LOXL2: variants seen among roughly 807,000 people sequenced by gnomAD.
The protein encoded by LOXL2 is lysyl oxidase homolog 2.
A neutral mutation model predicts 93.0 loss-of-function variants in LOXL2; 70 were observed. That is an observed-to-expected ratio of 0.75 (90% confidence interval 0.62 to 0.92). The LOEUF is 0.92. Among genes scored for constraint, LOXL2 ranks in the 40% least tolerant of loss-of-function variants. LOXL2 has a pLI of 0.00. For missense variants in LOXL2, 973 were observed against 1,054.9 expected, an observed-to-expected ratio of 0.92 and a Z score of 1.08; for synonymous variants, 438 against 413.2, an observed-to-expected ratio of 1.06 and a Z score of -0.73.
At chr8:23,362,224 C>T (rs1397791931) in intron 2 of LOXL2, among the ~76,000 whole-genome samples, 1 of 152,140 alleles carries the variant, frequency 6.6e-6, no homozygotes, top group Admixed American at 6.5e-5. Context: ...GTGAAATAAG[C>T]CCATCCCAAA....
At chr8:23,309,629 C>T (rs1372896965) in intron 10 of LOXL2, 39 bp downstream of exon 10, 8 of 1,383,780 alleles carry the variant, frequency 5.8e-6, no homozygotes, top group Non-Finnish European at 6.6e-6. Flanking sequence ...AGGATGTCCG[C>T]CGGGCAGCTT....
At chr8:23,376,088 CTCT>C (rs1191349360) in intron 1 of LOXL2, among the ~76,000 whole-genome samples, 1 of 151,906 alleles carries the variant, frequency 6.6e-6, no homozygotes, top group Admixed American at 6.6e-5. Context: ...TCATGAATAG[CTCT>C]TATTATTTTA....
intron 2 of LOXL2, among the ~76,000 whole-genome samples, chr8:23,362,350 A>C (rs964539665): frequency 6.6e-6 from 1 of 152,240 alleles, no homozygotes; most frequent in African/African-American, 2.4e-5. Flanking sequence ...TAATCGGTGC[A>C]GTTTCAGTTT....
intron 8 of LOXL2, among the ~76,000 whole-genome samples, chr8:23,318,762 T>A (rs1803446002): frequency 6.6e-6 from 1 of 152,192 alleles, no homozygotes; most frequent in Non-Finnish European, 1.5e-5. Context: ...ATAAACAATA[T>A]TAGCAGAAAC....
intron 9 of LOXL2, among the ~76,000 whole-genome samples, 160 bp from the exon 10 acceptor site, chr8:23,310,071 G>A (rs370394763): frequency 1.6e-4 from 24 of 152,330 alleles, no homozygotes; most frequent in African/African-American, 5.3e-4. Flanking sequence ...GCAAGACCCT[G>A]AATTCCTCTT....
rs1391455187 is a variant in LOXL2, at chr8:23,322,226, A to C, written c.1206T>G (p.Ile402Met). Residue 402 changes from isoleucine to methionine, a missense_variant, in exon 7 of 14, where the codon ATT becomes ATG. Physicochemically the swap from Ile to Met is conservative, Grantham distance 10. Transcript: ENST00000389131. ...ACTCGGCATTGAACTTGCAGTCTAT[A>C]ATGGACTTCTCATTGCCTGTGCACT... ...EIQCTGNEKS[I>M]IDCKFNAESQ... 3 of 1,613,990 alleles carry C rather than the reference A, an allele frequency of 1.9e-6. No homozygotes were observed. Among genetic ancestry groups the C allele is most frequent in the Non-Finnish European group, 2.5e-6 (3 of 1,180,012 alleles).
intron 12 of LOXL2, among the ~76,000 whole-genome samples, chr8:23,299,335 C>A (rs1004499210): frequency 5.9e-5 from 9 of 152,158 alleles, no homozygotes; most frequent in Non-Finnish European, 1.2e-4. Flanking sequence ...GGTGTGGGAA[C>A]CTGGAAGAGG....
chr8:23,308,393 T>G (rs950574940), intron 10 of LOXL2, among the ~76,000 whole-genome samples: 1 of 152,202 alleles, frequency 6.6e-6, no homozygotes, highest in Non-Finnish European at 1.5e-5. Flanking sequence ...GACCTCACTT[T>G]GAGAAGCAGG....
At chr8:23,398,539 C>G (rs1481400526) in intron 1 of LOXL2, among the ~76,000 whole-genome samples, 1 of 152,202 alleles carries the variant, frequency 6.6e-6, no homozygotes, top group Non-Finnish European at 1.5e-5. Context: ...TGAGTTAGTT[C>G]TTGTTCTCAT....
At chr8:23,318,183 A>C (rs1449032042) in intron 8 of LOXL2, among the ~76,000 whole-genome samples, 1 of 76,458 alleles carries the variant, frequency 1.3e-5, no homozygotes, top group Non-Finnish European at 3.3e-5. Context: ...GTAAAAAAAA[A>C]AAAAACCCAA....
chr8:23,330,106 A>G (rs1265116152), intron 5 of LOXL2, among the ~76,000 whole-genome samples: 1 of 151,940 alleles, frequency 6.6e-6, no homozygotes, highest in Non-Finnish European at 1.5e-5. Flanking sequence ...CGGGTGGATC[A>G]CGAGGTCAGG....
At chr8:23,304,169 A>G (rs1297762499) in intron 10 of LOXL2, among the ~76,000 whole-genome samples, 1 of 152,222 alleles carries the variant, frequency 6.6e-6, no homozygotes, top group Non-Finnish European at 1.5e-5. Flanking sequence ...GGTTCCAGAA[A>G]AGAGTTCTGC....
chr8:23,400,868 A>T (rs1800145060), intron 1 of LOXL2, among the ~76,000 whole-genome samples: 1 of 152,196 alleles, frequency 6.6e-6, no homozygotes, highest in South Asian at 2.1e-4. Flanking sequence ...ACAGTTTTGC[A>T]ATGAGCTAGG....
intron 1 of LOXL2, among the ~76,000 whole-genome samples, chr8:23,395,211 G>A (rs993075168): frequency 2.0e-5 from 3 of 151,074 alleles, no homozygotes; most frequent in South Asian, 2.1e-4. Flanking sequence ...CCGAGATGGC[G>A]CCACTGCACT....
intron 2 of LOXL2, chr8:23,363,665 C>T (rs1804341998): frequency 6.6e-6 from 1 of 152,200 alleles, no homozygotes; most frequent in African/African-American, 2.4e-5. Flanking sequence ...ATCAAAGGAA[C>T]TGAGAACAGC....
intron 8 of LOXL2, 70 bp downstream of exon 8, chr8:23,319,815 G>T: frequency 6.6e-7 from 1 of 1,509,600 alleles, no homozygotes; most frequent in South Asian, 1.2e-5. Context: ...GGGAGAGGGG[G>T]GCTGACTGAA....
chr8:23,402,095 T>TGCACACAAACAC (rs1174185364), intron 1 of LOXL2, among the ~76,000 whole-genome samples: 3 of 151,046 alleles, frequency 2.0e-5, no homozygotes, highest in Non-Finnish European at 4.4e-5. Flanking sequence ...CATGCAAACA[T>TGCACACAAACAC]GCACACAAAC....
At chr8:23,362,614 G>C (rs1022231152) in intron 2 of LOXL2, among the ~76,000 whole-genome samples, 2 of 152,104 alleles carry the variant, frequency 1.3e-5, no homozygotes, top group African/African-American at 4.8e-5. Context: ...CACGCCTGTA[G>C]TCCCAGCTAT....
chr8:23,319,829 A>C (rs1219467320), intron 8 of LOXL2, 56 bp downstream of exon 8: 20 of 1,569,124 alleles, frequency 1.3e-5, no homozygotes, highest in Non-Finnish European at 1.7e-5. Context: ...GACTGAAGAC[A>C]GTGTGGTCAG....
Sources: gnomAD v4.1 joint callset for allele counts (sites outside exome capture counted in the v4.1 genomes callset) on GRCh38, gnomAD v4.1.1 for gene constraint, MANE v1.5 for transcripts, NCBI Gene and HGNC (gene_info 2026-07-23, HGNC 2026-07-21) for gene names.